Variants in BICRAL observed in about 807,000 individuals in gnomAD.
BICRAL encodes BICRA like chromatin remodeling complex associated protein.
A neutral mutation model predicts 91.8 loss-of-function variants in BICRAL; 8 were observed. The observed-to-expected ratio is 0.09, with a 90% CI of 0.05 to 0.16. BICRAL has a LOEUF of 0.16. Ranked by LOEUF, BICRAL falls within the 10% of genes least tolerant of loss-of-function variation. The pLI, the probability that BICRAL is intolerant of heterozygous loss-of-function variation, is 1.00. For missense variants in BICRAL, 1,038 were observed against 1,310.9 expected, an observed-to-expected ratio of 0.79 and a Z score of 3.21; for synonymous variants, 445 against 491.1, an observed-to-expected ratio of 0.91 and a Z score of 1.24.
intron 8 of BICRAL, among the ~76,000 whole-genome samples, chr6:42,854,303 A>G (rs898908565): frequency 6.6e-6 from 1 of 150,924 alleles, no homozygotes; most frequent in Non-Finnish European, 1.5e-5. Flanking sequence ...GGCTCAGGTG[A>G]CCCTCCTGCC....
At chr6:42,799,734 A>G (rs1028528747) in intron 1 of BICRAL, among the ~76,000 whole-genome samples, 1 of 152,232 alleles carries the variant, frequency 6.6e-6, no homozygotes. Flanking sequence ...TTCAGTAGAT[A>G]GAAGTTTATG....
intron 2 of BICRAL, among the ~76,000 whole-genome samples, chr6:42,812,696 A>G (rs1383731928): frequency 6.6e-6 from 1 of 152,184 alleles, no homozygotes; most frequent in African/African-American, 2.4e-5. Context: ...ATCTGAAGAT[A>G]TATGAATAGA....
upstream of BICRAL, among the ~76,000 whole-genome samples, chr6:42,779,223 AAC>A (rs57493144): frequency 0.11 from 14,093 of 132,190 alleles, 634 homozygotes; most frequent in Middle Eastern, 0.12. Context: ...TCTCAAGAAA[AAC>A]ACACACACAC....
At chr6:42,858,704 C>T (rs1374701388) in intron 10 of BICRAL, among the ~76,000 whole-genome samples, 1 of 151,918 alleles carries the variant, frequency 6.6e-6, no homozygotes, top group Non-Finnish European at 1.5e-5. Flanking sequence ...GTAATTCCAG[C>T]TACTCGGGAG....
intron 7 of BICRAL, 137 bp from the exon 8 acceptor site, chr6:42,853,501 T>C: frequency 1.6e-6 from 1 of 638,006 alleles, no homozygotes; most frequent in Non-Finnish European, 2.8e-6. Context: ...CTGCCCTCCT[T>C]CTTCACAGCA....
At chr6:42,751,599 G>A (rs1762381222) in intron 1 of BICRAL, among the ~76,000 whole-genome samples, 1 of 151,782 alleles carries the variant, frequency 6.6e-6, no homozygotes, top group South Asian at 2.1e-4. Context: ...ACCCTGCACT[G>A]GTGGAAGATA....
rs975802221 is a variant in BICRAL at position 42,782,905 on chromosome 6, T to C, written c.-102+804T>C. On this transcript the variant is annotated intron_variant, in intron 1 of 12. Transcript: ENST00000314073. ...TCTGTTTTCCCCCCCTCGTTTCTTT[T>C]CTCTCTCGGAAGCTCTAGGGTGTGA... Among the ~76,000 whole-genome samples the C allele has an allele frequency of 2.7e-5, 4 of 150,376 alleles. No individual in the cohort carries two copies. The East Asian group carries it at 8.0e-4, about 30-fold the overall frequency.
At chr6:42,771,950 A>C (rs1213531767) in intron 1 of BICRAL, among the ~76,000 whole-genome samples, 2 of 152,154 alleles carry the variant, frequency 1.3e-5, no homozygotes, top group Non-Finnish European at 2.9e-5. Context: ...AGATATGCTG[A>C]TTTGGTTGTG....
chr6:42,848,237 G>C (rs1185715001), intron 6 of BICRAL, among the ~76,000 whole-genome samples: 1 of 151,704 alleles, frequency 6.6e-6, no homozygotes, highest in Non-Finnish European at 1.5e-5. Flanking sequence ...GGGCGACAGA[G>C]TGAGACTCCA....
At chr6:42,833,885 C>T (rs778987741) in intron 6 of BICRAL, among the ~76,000 whole-genome samples, 7 of 152,090 alleles carry the variant, frequency 4.6e-5, no homozygotes, top group Non-Finnish European at 8.8e-5. Context: ...CGGAGTTTCG[C>T]TCTTTGTTGC....
chr6:42,773,287 A>C (rs559518266), intron 1 of BICRAL, among the ~76,000 whole-genome samples: 1 of 152,128 alleles, frequency 6.6e-6, no homozygotes, highest in African/African-American at 2.4e-5. Flanking sequence ...CATTTTGGCC[A>C]GGGTGGTCTT....
chr6:42,749,675 A>T (rs991125839), intron 1 of BICRAL, among the ~76,000 whole-genome samples: 5 of 152,248 alleles, frequency 3.3e-5, no homozygotes, highest in African/African-American at 1.2e-4. Flanking sequence ...ATTATATATC[A>T]ATAAAAATAA....
At position 42,802,430 on chromosome 6, in the gene BICRAL, TG is replaced by T. The variant is rs199638722; in HGVS notation, c.-101-7875del. On this transcript the variant is annotated intron_variant, in intron 1 of 12. Transcript: ENST00000314073. The stretch of plus-strand genomic sequence containing the variant: ...TCTTTCAGCTTTTCGTGTTTTTTTT[TG>T]TTGTTGTTGTTGTTGTTGTTGTTGT... Among the ~76,000 whole-genome samples, 965 of 118,612 alleles carry T rather than the reference TG, an allele frequency of 8.1e-3. 6 individuals are homozygous for T. Among genetic ancestry groups the T allele is most frequent in the African/African-American group, 0.024 (751 of 31,436 alleles). The allele number at this position is 118,612 out of a possible 152,430, so 77.8% of individuals were successfully genotyped here. A position where few individuals can be genotyped will look rare whatever the true frequency, so the allele number is the denominator to read the frequency against.
At chr6:42,749,791 A>G (rs1051107788) in intron 1 of BICRAL, among the ~76,000 whole-genome samples, 3 of 116,692 alleles carry the variant, frequency 2.6e-5, no homozygotes, top group South Asian at 2.5e-4. Context: ...CATCCCTTAT[A>G]TTATATTATT....
rs548907455 is a variant in BICRAL, at chr6:42,829,572, G to A, written c.1239G>A (p.Ser413=). 55 of 1,614,132 alleles carry A rather than the reference G, an allele frequency of 3.4e-5. 1 individual carries two copies. In the South Asian group the frequency reaches 4.2e-4, roughly 12 times the overall value. The change falls in exon 6 of 13, where the codon TCG becomes TCA. Residue 413 remains serine, a synonymous_variant. Transcript: ENST00000314073. ...IPTSLSVSSN[S]VHHVQTINGQ... ...CAAGCCTTTCTGTCAGTTCCAACTC[G>A]GTACACCACGTCCAGACTATAAATG...
At chr6:42,859,316 C>T (rs879500378) in intron 10 of BICRAL, among the ~76,000 whole-genome samples, 14 of 150,522 alleles carry the variant, frequency 9.3e-5, no homozygotes, top group Non-Finnish European at 1.5e-4. Context: ...CACTTGAACC[C>T]GGGAGGAGAA....
At position 42,829,617 on chromosome 6, in the gene BICRAL, A is replaced by C; in HGVS notation, c.1284A>C (p.Gln428His). 2.5e-6 allele frequency: 4 copies of C among 1,613,894 alleles called. No homozygotes were observed. The highest frequency in any genetic ancestry group is 3.4e-6 in the Non-Finnish European group (4 of 1,179,968). Residue 428 changes from glutamine (Q) to histidine (H), a missense_variant, in exon 6 of 13, where the codon CAA (glutamine) becomes CAC (histidine). This residue lies in a region of BICRAL where 532 missense variants were observed against 724.9 expected (regional missense o/e 0.73). Coordinates refer to ENST00000314073, the MANE Select transcript of BICRAL (RefSeq NM_001393499.1). ...TAAATGGGCAACTTCTTCAAACTCA[A>C]CCCTCTCAGCTCATTTCTGGCCAAG... ...QTINGQLLQT[Q>H]PSQLISGQVA... is the part of the protein sequence containing the mutation.
chr6:42,775,674 A>C (rs901251396), intron 1 of BICRAL, among the ~76,000 whole-genome samples: 19 of 152,102 alleles, frequency 1.2e-4, no homozygotes, highest in African/African-American at 4.6e-4. Flanking sequence ...TTTATTATTA[A>C]CAGCTCTGCT....
intron 1 of BICRAL, among the ~76,000 whole-genome samples, chr6:42,790,717 TA>T (rs1763246601): frequency 6.6e-6 from 1 of 151,966 alleles, no homozygotes; most frequent in Non-Finnish European, 1.5e-5. Flanking sequence ...AGCTTTGAGT[TA>T]AAGGTGAGAG....
Sources: allele counts gnomAD v4.1 joint callset (sites outside exome capture counted in the v4.1 genomes callset), GRCh38; gene constraint gnomAD v4.1.1; regional missense constraint gnomAD v4.1.1; transcripts MANE v1.5; gene names NCBI Gene and HGNC (gene_info 2026-07-23, HGNC 2026-07-21).